Variants in SIGIRR observed in about 807,000 individuals in gnomAD.
SIGIRR encodes the protein single Ig IL-1-related receptor.
SIGIRR carries 41 observed loss-of-function variants against 45.6 expected under a neutral mutation model. The observed-to-expected ratio is 0.90, with a 90% CI of 0.70 to 1.17. SIGIRR has a LOEUF of 1.17. Among genes scored for constraint, SIGIRR ranks in the 50% most tolerant of loss-of-function variants. The probability of loss-of-function intolerance (pLI) is 0.00; values close to 1 mark genes in which losing one functional copy is unlikely to be tolerated. For missense variants in SIGIRR, 599 were observed against 539.6 expected (o/e 1.11, Z -1.09); for synonymous variants, 298 against 239.0 (o/e 1.25, Z -2.28).
rs771727037 is a variant in SIGIRR, at chr11:408,920, G to T, written c.8-27C>A. 1.6e-5 allele frequency: 26 copies of T among 1,608,816 alleles called. No individual in the cohort carries two copies. In the African/African-American group the frequency reaches 2.8e-4, roughly 17 times the overall value. ...TGAAGAGAGAGGACACAGTGGGTCA[G>T]CTGTGCCAGGGTGCCTGGCCCCACC... On this transcript the variant is annotated intron_variant, in intron 2 of 9. Coordinates refer to ENST00000431843, the MANE Select transcript of SIGIRR (RefSeq NM_001135054.2).
In SIGIRR at chr11:405,762, G is replaced by A. The variant is rs930672905; in HGVS notation, c.*134C>T. ...TTTCTGGCACTGGGAGGCGCCCTGA[G>A]GCCACAGCCTTTTCCCAGGGCTGCT... is the stretch of plus-strand genomic sequence containing the variant. On this transcript the variant is annotated 3_prime_UTR_variant, in exon 10 of 10. Transcript: ENST00000431843. 2 of 1,141,944 alleles carry A rather than the reference G, an allele frequency of 1.8e-6. No individual in the cohort carries two copies. 70.7% of individuals were successfully genotyped at this position (1,141,944 alleles called of 1,614,324 possible). A position where few individuals can be genotyped will look rare whatever the true frequency, so the allele number is the denominator to read the frequency against.
intron 1 of SIGIRR, among the ~76,000 whole-genome samples, chr11:410,314 T>C (rs73400592): frequency 0.018 from 2,693 of 151,956 alleles, 88 homozygotes; most frequent in African/African-American, 0.061. Flanking sequence ...GGACGAACAC[T>C]AGGTGGGACC....
At chr11:416,124 G>A (rs533757282), upstream of SIGIRR, among the ~76,000 whole-genome samples, 1 of 152,144 alleles carries the variant, frequency 6.6e-6, no homozygotes, top group South Asian at 2.1e-4. This position sits in a 1 kb window ranked among gnomAD's most constrained non-coding sequence, Gnocchi z 9.1. Flanking sequence ...CCTCCTTGAA[G>A]TGGGTCCTTG....
intron 3 of SIGIRR, 133 bp downstream of exon 3, chr11:408,562 T>G: frequency 9.3e-7 from 1 of 1,073,904 alleles, no homozygotes. Flanking sequence ...TGACCCTCCG[T>G]CTGGGTCCAC....
At chr11:410,201 A>G (rs1056308148) in intron 1 of SIGIRR, among the ~76,000 whole-genome samples, 174 bp from the exon 2 acceptor site, 2 of 152,170 alleles carry the variant, frequency 1.3e-5, no homozygotes, top group Non-Finnish European at 2.9e-5. Context: ...ACGTGGCCAG[A>G]ATGGGCACCA....
intron 3 of SIGIRR, 33 bp downstream of exon 3, chr11:408,662 G>A (rs1847459381): frequency 6.2e-7 from 1 of 1,610,304 alleles, no homozygotes; most frequent in African/African-American, 1.3e-5. Flanking sequence ...TGTCTGAGAG[G>A]TCACTCTGAC....
rs1320529714 is a variant in SIGIRR, at chr11:406,809, G to A, written c.879+34C>T. The A allele has an allele frequency of 3.4e-6, 5 of 1,485,048 alleles. No individual in the cohort carries two copies. The South Asian group carries it at 6.5e-5, about 19-fold the overall frequency. The allele number at this position is 1,485,048 out of a possible 1,614,324, so 92.0% of individuals were successfully genotyped here. A position where few individuals can be genotyped will look rare whatever the true frequency, so the allele number is the denominator to read the frequency against. The stretch of plus-strand genomic sequence containing the variant: ...GGGCACCGCCCATCTCTAACCCGCC[G>A]CTAGCCCCGGACCCTCCCGCGCCTG... On this transcript the variant is annotated intron_variant, in intron 8 of 9. Transcript: ENST00000431843.
Position 407,698 on chromosome 11 carries a change from C to T in SIGIRR, c.481+119G>A, listed in dbSNP as rs550782289. 5 of 1,562,600 alleles carry T rather than the reference C, an allele frequency of 3.2e-6. No homozygotes were observed. The East Asian group carries it at 1.1e-4, about 35-fold the overall frequency. The stretch of plus-strand genomic sequence containing the variant: ...CCCCGGACTTTAACCCCAGCCGGGC[C>T]GCACAGAGCACCCGGGGGCTAACCC... On this transcript the variant is annotated intron_variant, in intron 5 of 9. Transcript: ENST00000431843.
At chr11:412,769 G>C (rs991956133) in intron 1 of SIGIRR, among the ~76,000 whole-genome samples, 3 of 151,862 alleles carry the variant, frequency 2.0e-5, no homozygotes, top group Non-Finnish European at 4.4e-5. Flanking sequence ...TTACAGTCAG[G>C]AGTGCACGTG....
intron 1 of SIGIRR, among the ~76,000 whole-genome samples, chr11:413,213 C>A (rs1847750588): frequency 6.6e-6 from 1 of 152,154 alleles, no homozygotes; most frequent in South Asian, 2.1e-4. Flanking sequence ...TCTTAGCCTG[C>A]CACCTATTCC....
chr11:406,155 G>A (rs1847284875), intron 9 of SIGIRR, 96 bp from the exon 10 acceptor site: 1 of 1,537,910 alleles, frequency 6.5e-7, no homozygotes, highest in South Asian at 1.2e-5. Context: ...CTGCTGTGAT[G>A]GCCTGTGAGG....
intron 1 of SIGIRR, among the ~76,000 whole-genome samples, chr11:414,205 C>G (rs1590394018): frequency 1.0e-5 from 1 of 100,210 alleles, no homozygotes. Flanking sequence ...GCACCCTCTC[C>G]TCTGCCTACC....
chr11:412,615 C>T (rs71452601), intron 1 of SIGIRR, among the ~76,000 whole-genome samples: 1 of 21,522 alleles, frequency 4.6e-5, no homozygotes, highest in African/African-American at 2.7e-4. Flanking sequence ...GGGGGGGTGC[C>T]CAGCTCTGAA....
chr11:405,731 CT>C lies in SIGIRR; in HGVS notation c.*164del. The stretch of plus-strand genomic sequence containing the variant: ...GAGGCCCCAGCAGAATCCAAAAGGA[CT>C]TTATTTTCTGGCACTGGGAGGCGCC... On this transcript the variant is annotated 3_prime_UTR_variant, in exon 10 of 10. Coordinates refer to ENST00000431843, the MANE Select transcript of SIGIRR (RefSeq NM_001135054.2). 1 of 785,346 alleles carries C rather than the reference CT, an allele frequency of 1.3e-6. No individual in the cohort carries two copies. Among genetic ancestry groups the C allele is most frequent in the African/African-American group, 1.7e-5 (1 of 57,350 alleles). 48.6% of individuals were successfully genotyped at this position (785,346 alleles called of 1,614,324 possible).
At chr11:406,224 G>A (rs1847289937) in intron 9 of SIGIRR, 125 bp downstream of exon 9, 6 of 1,540,140 alleles carry the variant, frequency 3.9e-6, no homozygotes, top group Admixed American at 2.0e-5. Context: ...GGCCGTGCAG[G>A]GGCTCCCGGT....
intron 1 of SIGIRR, among the ~76,000 whole-genome samples, chr11:410,885 C>T (rs1456992835): frequency 1.5e-4 from 8 of 52,250 alleles, no homozygotes; most frequent in Non-Finnish European, 2.7e-4. Context: ...CAGCTCTGAC[C>T]ATGTCTGGAT....
intron 1 of SIGIRR, among the ~76,000 whole-genome samples, chr11:410,751 G>A (rs1847568387): frequency 1.5e-5 from 1 of 65,068 alleles, no homozygotes; most frequent in African/African-American, 6.9e-5. Context: ...GTCGGGGGGT[G>A]CCCAGCTCTG....
chr11:407,357 G>C, intron 6 of SIGIRR, 68 bp downstream of exon 6: 1 of 1,290,214 alleles, frequency 7.8e-7, no homozygotes, highest in Non-Finnish European at 1.0e-6. Context: ...CCCCGGGTGG[G>C]ACGGAGCATG....
chr11:406,958 C>T lies in SIGIRR; in HGVS notation c.764G>A (p.Arg255Lys), dbSNP rs749039265. ...GLCRLLELTR[R>K]PIFITFEGQR... The stretch of plus-strand genomic sequence containing the variant: ...GCCCTCGAAGGTGATGAAGATGGGT[C>T]TGCGGGTGAGCTCCAGCAGCCGGCA... Residue 255 changes from arginine to lysine, a missense_variant, in exon 8 of 10, where the codon AGA becomes AAA. By Grantham distance (26) the Arg-to-Lys change is conservative (BLOSUM62 2). Transcript: ENST00000431843. The T allele has an allele frequency of 2.5e-6, 4 of 1,602,130 alleles. No individual in the cohort carries two copies. The highest frequency in any genetic ancestry group is 1.7e-4 in the Middle Eastern group (1 of 6,008).
Sources: gnomAD v4.1 joint callset for allele counts (sites outside exome capture counted in the v4.1 genomes callset) on GRCh38, gnomAD v4.1.1 for gene constraint, Gnocchi (gnomAD v3.1) non-coding constraint, MANE v1.5 for transcripts, NCBI Gene and HGNC (gene_info 2026-07-23, HGNC 2026-07-21) for gene names.